Variants in BBS1 observed in about 807,000 individuals in gnomAD.
The protein encoded by BBS1 is Bardet-Biedl syndrome 1.
Under a neutral mutation model 73.9 loss-of-function variants are expected in BBS1, and 60 were observed. That is an observed-to-expected ratio of 0.81 (90% confidence interval 0.66 to 1.01). The LOEUF is 1.01. BBS1 is among the 50% of genes least tolerant of loss of function. BBS1 has a pLI of 0.00. For missense variants in BBS1, 718 were observed against 770.3 expected, an observed-to-expected ratio of 0.93 and a Z score of 0.80; for synonymous variants, 283 against 317.4, an observed-to-expected ratio of 0.89 and a Z score of 1.15.
intron 3 of BBS1, among the ~76,000 whole-genome samples, chr11:66,513,689 T>TA (rs1565281242): frequency 6.6e-6 from 1 of 152,142 alleles, no homozygotes; most frequent in African/African-American, 2.4e-5. Context: ...TTAAAAATAA[T>TA]AAGACTGTTG....
At chr11:66,522,955 T>C (rs1304208955) in intron 9 of BBS1, 1 of 359,622 alleles carries the variant, frequency 2.8e-6, no homozygotes, top group African/African-American at 2.1e-5. Context: ...GTAGGCCAAC[T>C]CAAAGTGGGA....
intron 7 of BBS1, 93 bp from the exon 8 acceptor site, chr11:66,519,524 T>A: frequency 1.3e-6 from 2 of 1,563,838 alleles, no homozygotes; most frequent in Non-Finnish European, 1.8e-6. Flanking sequence ...TTCATCCTCC[T>A]TTGCCCTCTT....
chr11:66,528,399 A>G (rs552825188), intron 13 of BBS1, among the ~76,000 whole-genome samples: 1 of 152,336 alleles, frequency 6.6e-6, no homozygotes, highest in Non-Finnish European at 1.5e-5. Context: ...GGACCTGGCC[A>G]GTTGATTCAA....
At chr11:66,517,577 C>T (rs1464148557) in intron 7 of BBS1, among the ~76,000 whole-genome samples, 3 of 151,252 alleles carry the variant, frequency 2.0e-5, no homozygotes, top group African/African-American at 4.9e-5. Context: ...AAGCTATTCT[C>T]CTGCCTCAGC....
At position 66,515,939 on chromosome 11, in the gene BBS1, A is replaced by ACC. The variant is rs770545908; in HGVS notation, c.591+10_591+11dup. 1 of 1,613,776 alleles carries ACC rather than the reference A, an allele frequency of 6.2e-7. No homozygotes were observed. The highest frequency in any genetic ancestry group is 8.5e-7 in the Non-Finnish European group (1 of 1,179,866). On this transcript the variant is annotated splice_region_variant and intron_variant, in intron 7 of 16. Transcript: ENST00000318312. ...CCAACTCCATCAAGCGGCAGGTAAT[A>ACC]CCCCCTTCTCTTTTTATTTCCCTGT...
chr11:66,530,633 G>T (rs1856737291), intron 14 of BBS1, among the ~76,000 whole-genome samples: 1 of 152,136 alleles, frequency 6.6e-6, no homozygotes, highest in Admixed American at 6.5e-5. Flanking sequence ...GGGGGTGGGG[G>T]TGAGGGGCTC....
At chr11:66,528,878 G>T (rs980432625) in intron 13 of BBS1, among the ~76,000 whole-genome samples, 1 of 145,574 alleles carries the variant, frequency 6.9e-6, no homozygotes, top group African/African-American at 2.5e-5. Flanking sequence ...TGAGGCAGGA[G>T]AATCGATTGA....
intron 7 of BBS1, among the ~76,000 whole-genome samples, chr11:66,518,045 C>T (rs1856093212): frequency 6.8e-6 from 1 of 147,128 alleles, no homozygotes; most frequent in South Asian, 2.2e-4. Flanking sequence ...GCAACCTCCG[C>T]CTCCTGGGTT....
chr11:66,531,927 G>C (rs1590783636), intron 16 of BBS1, 24 bp from the exon 17 acceptor site: 1 of 1,570,146 alleles, frequency 6.4e-7, no homozygotes. Flanking sequence ...TATGCCCCCT[G>C]CTGCCATGGC....
rs1856691642 is a variant in BBS1 at position 66,529,838 on chromosome 11, G to A, written c.1359G>A (p.Gln453=). 1 of 1,611,138 alleles carries A rather than the reference G, an allele frequency of 6.2e-7. No homozygotes were observed. Among genetic ancestry groups the A allele is most frequent in the Non-Finnish European group, 8.5e-7 (1 of 1,179,980 alleles). Residue 453 remains glutamine (Q), a synonymous_variant, in exon 14 of 17, where the codon CAG becomes CAA. Transcript: ENST00000318312. ...CCACAGCCATGCACCGGGCCTTCCAGACAGACCTATACCTGCTGCGCCTAC... is the reference window on the plus strand; with the variant it reads ...CCACAGCCATGCACCGGGCCTTCCAAACAGACCTATACCTGCTGCGCCTAC... ...EAGTAMHRAF[Q]TDLYLLRLRA...
chr11:66,519,304 GA>G (rs1311011255), intron 7 of BBS1, among the ~76,000 whole-genome samples: 1 of 152,134 alleles, frequency 6.6e-6, no homozygotes, highest in East Asian at 1.9e-4. Flanking sequence ...CTGCGAGGCA[GA>G]GGTTGCAGTG....
intron 7 of BBS1, 135 bp from the exon 8 acceptor site, chr11:66,519,482 T>C: frequency 7.7e-7 from 1 of 1,291,530 alleles, no homozygotes; most frequent in East Asian, 2.4e-5. Flanking sequence ...CCTTTGTACT[T>C]AAATCTTCTG....
chr11:66,522,293 A>G (rs917282243), intron 9 of BBS1, among the ~76,000 whole-genome samples: 3 of 151,928 alleles, frequency 2.0e-5, no homozygotes, highest in African/African-American at 7.2e-5. Flanking sequence ...GGTACATGAC[A>G]TGACACTTGT....
intron 13 of BBS1, 171 bp downstream of exon 13, chr11:66,526,978 C>A: frequency 6.5e-7 from 1 of 1,546,064 alleles, no homozygotes; most frequent in African/African-American, 1.4e-5. Context: ...ACGTTGCCTG[C>A]AAATCACTGT....
intron 15 of BBS1, 29 bp from the exon 16 acceptor site, chr11:66,531,626 GT>G (rs763117897): frequency 1.2e-6 from 2 of 1,613,972 alleles, no homozygotes; most frequent in Non-Finnish European, 1.7e-6. Flanking sequence ...ACGAGGGCTG[GT>G]TTCCTTACTT....
chr11:66,515,107 C>T (rs188186066), intron 4 of BBS1, among the ~76,000 whole-genome samples: 4 of 152,070 alleles, frequency 2.6e-5, no homozygotes, highest in Non-Finnish European at 5.9e-5. Flanking sequence ...CATGAACCAC[C>T]GTGCCCAGCC....
In BBS1 at chr11:66,519,091, A is replaced by G. The variant is rs76799691; in HGVS notation, c.592-526A>G. On this transcript the variant is annotated intron_variant, in intron 7 of 16. Coordinates refer to ENST00000318312, the MANE Select transcript of BBS1 (RefSeq NM_024649.5). ...ATATTCTTTTTAAATATGACTTTTA[A>G]GAAATGACTGCAGCCGGGCATGGTG... Among the ~76,000 whole-genome samples, 28 of 152,310 alleles carry G rather than the reference A, an allele frequency of 1.8e-4. No homozygotes were observed. The East Asian group carries it at 5.2e-3, about 28-fold the overall frequency.
chr11:66,530,191 C>G (rs888639609), intron 14 of BBS1, among the ~76,000 whole-genome samples: 1 of 152,142 alleles, frequency 6.6e-6, no homozygotes, highest in Non-Finnish European at 1.5e-5. Flanking sequence ...GTGGGACACT[C>G]TCCAGCTCAG....
intron 15 of BBS1, 104 bp from the exon 16 acceptor site, chr11:66,531,552 C>A (rs1856780417): frequency 2.0e-6 from 3 of 1,467,314 alleles, no homozygotes; most frequent in African/African-American, 1.4e-5. Flanking sequence ...GCCCACCCTG[C>A]AGGGGTGCTG....
Sources: gnomAD v4.1 joint callset for allele counts (sites outside exome capture counted in the v4.1 genomes callset) on GRCh38, gnomAD v4.1.1 for gene constraint, MANE v1.5 for transcripts, NCBI Gene and HGNC (gene_info 2026-07-23, HGNC 2026-07-21) for gene names.